DPP6: variants seen among roughly 807,000 people sequenced by gnomAD.
DPP6 encodes the protein A-type potassium channel modulatory protein DPP6.
Under a neutral mutation model 122.6 loss-of-function variants are expected in DPP6, and 69 were observed. The ratio of observed to expected loss-of-function variants is 0.56; its 90% CI spans 0.46 to 0.69. The LOEUF (loss-of-function observed/expected upper bound fraction) is 0.69, where lower values mean the gene tolerates loss of function less well. Ranked by LOEUF, DPP6 falls within the 30% of genes least tolerant of loss-of-function variation. DPP6 has a pLI of 0.00. For synonymous variants in DPP6, 418 were observed against 433.1 expected (o/e 0.97, Z 0.43); for missense variants, 928 against 1,116.9 (o/e 0.83, Z 2.41).
chr7:154,418,918 G>C (rs934545070), intron 1 of DPP6, among the ~76,000 whole-genome samples: 1 of 152,232 alleles, frequency 6.6e-6, no homozygotes, highest in Non-Finnish European at 1.5e-5. Context: ...GGGCAAGGCT[G>C]TGCATTCCAG....
chr7:153,936,306 T>C (rs1336515572), intron 1 of DPP6, among the ~76,000 whole-genome samples: 1 of 152,078 alleles, frequency 6.6e-6, no homozygotes, highest in Non-Finnish European at 1.5e-5. Context: ...AGATGATCCC[T>C]GTCAGGAGCT....
rs1801002151 is a variant in DPP6, at chr7:154,835,801, GC to G, written c.1667-17977del. ...TATTTTCATTTTCTGAAATCAGAAT[GC>G]CTCTTAGGCAATCTCTGTAAAATCT... On this transcript the variant is annotated intron_variant, in intron 16 of 25. Coordinates refer to ENST00000377770, the MANE Select transcript of DPP6 (RefSeq NM_130797.4). Among the ~76,000 whole-genome samples, 4 of 152,306 alleles carry G rather than the reference GC, an allele frequency of 2.6e-5. No homozygotes were observed. The East Asian group carries it at 5.8e-4, about 22-fold the overall frequency.
At chr7:153,920,919 C>T (rs967929152) in intron 1 of DPP6, among the ~76,000 whole-genome samples, 5 of 152,136 alleles carry the variant, frequency 3.3e-5, no homozygotes, top group African/African-American at 7.2e-5. Context: ...TCATCATGCA[C>T]CAAATAAGTC....
chr7:154,294,720 C>T (rs1805422623), intron 1 of DPP6, among the ~76,000 whole-genome samples: 1 of 151,684 alleles, frequency 6.6e-6, no homozygotes, highest in African/African-American at 2.4e-5. Flanking sequence ...GGACTTGGAG[C>T]CCCAGACAGG....
At chr7:154,634,417 G>A (rs1835601023) in intron 5 of DPP6, among the ~76,000 whole-genome samples, 1 of 151,808 alleles carries the variant, frequency 6.6e-6, no homozygotes, top group South Asian at 2.1e-4. Context: ...ATCATTGTTG[G>A]ATATTTGGGT....
intron 4 of DPP6, among the ~76,000 whole-genome samples, chr7:154,546,142 AAAT>A (rs1258941271): frequency 6.6e-6 from 1 of 152,124 alleles, no homozygotes; most frequent in African/African-American, 2.4e-5. Flanking sequence ...GTATTCATTA[AAAT>A]AATAGCTATG....
At chr7:154,796,100 G>A (rs561808805) in intron 12 of DPP6, 23 of 651,630 alleles carry the variant, frequency 3.5e-5, no homozygotes, top group African/African-American at 9.2e-5. Flanking sequence ...AGGGAGGGTC[G>A]TGTGAAAATC....
chr7:153,948,884 G>C (rs1464739364), intron 1 of DPP6, among the ~76,000 whole-genome samples: 1 of 150,726 alleles, frequency 6.6e-6, no homozygotes, highest in Non-Finnish European at 1.5e-5. Context: ...AAGTTATTCT[G>C]ATTCACATTT....
intron 1 of DPP6, among the ~76,000 whole-genome samples, chr7:154,104,627 T>C (rs899092444): frequency 2.0e-5 from 3 of 152,278 alleles, no homozygotes; most frequent in African/African-American, 7.2e-5. Context: ...ACCTGTGCTG[T>C]GCAGGCATCT....
intron 4 of DPP6, among the ~76,000 whole-genome samples, chr7:154,555,818 A>G (rs1348707914): frequency 6.6e-6 from 1 of 152,006 alleles, no homozygotes; most frequent in African/African-American, 2.4e-5. Context: ...TAAATCTGAC[A>G]TGAACTCCAG....
At chr7:154,648,700 A>G (rs1836666131) in intron 6 of DPP6, among the ~76,000 whole-genome samples, 1 of 152,082 alleles carries the variant, frequency 6.6e-6, no homozygotes, top group Non-Finnish European at 1.5e-5. Context: ...TGGGTGGATC[A>G]CAAGGTCAAG....
intron 7 of DPP6, among the ~76,000 whole-genome samples, chr7:154,698,802 C>T (rs1840357072): frequency 6.6e-6 from 1 of 152,226 alleles, no homozygotes; most frequent in Admixed American, 6.5e-5. Flanking sequence ...GAGCTAGTCT[C>T]AGGCGTAGCG....
chr7:154,786,543 G>A (rs1797349720), intron 10 of DPP6, among the ~76,000 whole-genome samples: 1 of 152,082 alleles, frequency 6.6e-6, no homozygotes, highest in Non-Finnish European at 1.5e-5. Context: ...CCTTTGCTGG[G>A]CACTTCTCCT....
At chr7:153,857,455 C>G in the DPP6 span, among the ~76,000 whole-genome samples, 1 of 151,746 alleles carries the variant, frequency 6.6e-6, no homozygotes, top group Non-Finnish European at 1.5e-5. Context: ...CAGAAAGAAG[C>G]TATTTCTACC....
At chr7:154,421,074 T>A (rs1817431102) in intron 1 of DPP6, among the ~76,000 whole-genome samples, 2 of 152,082 alleles carry the variant, frequency 1.3e-5, no homozygotes, top group Admixed American at 6.5e-5. Flanking sequence ...GAAGTCTGAG[T>A]CTCCCAATTA....
chr7:153,992,935 C>T (rs1006234852), intron 1 of DPP6, among the ~76,000 whole-genome samples: 1 of 151,906 alleles, frequency 6.6e-6, no homozygotes, highest in Non-Finnish European at 1.5e-5. Context: ...CCTTCTTTTT[C>T]ACAAGATTTT....
At chr7:154,756,370 T>C (rs911871719) in intron 8 of DPP6, among the ~76,000 whole-genome samples, 1 of 151,858 alleles carries the variant, frequency 6.6e-6, no homozygotes, top group African/African-American at 2.4e-5. Flanking sequence ...GAGGCTGGCA[T>C]GCAGCCCCAT....
intron 25 of DPP6, chr7:154,890,837 A>C (rs919804499): frequency 2.0e-5 from 3 of 152,180 alleles, no homozygotes; most frequent in African/African-American, 7.2e-5. Flanking sequence ...ATCATAGCCT[A>C]ATGACAGCAT....
chr7:154,796,191 C>A lies in DPP6; in HGVS notation c.1299+308C>A, dbSNP rs543866486. On this transcript the variant is annotated intron_variant, in intron 12 of 25. Coordinates refer to ENST00000377770, the MANE Select transcript of DPP6 (RefSeq NM_130797.4). ...AGCACCTTGCTGAATTGAAAATGAA[C>A]AGTCCATCAAAGGTGGCTTAACATA... 420 of 380,178 alleles carry A rather than the reference C, an allele frequency of 1.1e-3. 5 individuals are homozygous for A. Among genetic ancestry groups the A allele is most frequent in the South Asian group, 8.5e-3 (126 of 14,882 alleles). The allele number at this position is 380,178 out of a possible 1,614,324, so 23.6% of individuals were successfully genotyped here.
Sources: gnomAD v4.1 joint callset for allele counts (sites outside exome capture counted in the v4.1 genomes callset) on GRCh38, gnomAD v4.1.1 for gene constraint, MANE v1.5 for transcripts, NCBI Gene and HGNC (gene_info 2026-07-23, HGNC 2026-07-21) for gene names.